RBMS3: variants seen among roughly 807,000 people sequenced by gnomAD.
RBMS3 encodes the protein RNA binding motif single stranded interacting protein 3, also known as RNA-binding motif, single-stranded-interacting protein 3.
RBMS3 carries 27 observed loss-of-function variants against 66.8 expected under a neutral mutation model. The ratio of observed to expected loss-of-function variants is 0.40; its 90% CI spans 0.30 to 0.56. The LOEUF is 0.56. Ranked by LOEUF, RBMS3 falls within the 20% of genes least tolerant of loss-of-function variation. RBMS3 has a pLI of 0.40. For synonymous variants in RBMS3, 188 were observed against 183.0 expected, an observed-to-expected ratio of 1.03 and a Z score of -0.22; for missense variants, 513 against 549.5, an observed-to-expected ratio of 0.93 and a Z score of 0.66.
intron 4 of RBMS3, among the ~76,000 whole-genome samples, chr3:29,701,839 G>A (rs909456042): frequency 4.7e-5 from 7 of 150,026 alleles, no homozygotes; most frequent in Admixed American, 6.7e-5. Context: ...AAGCCTGCGC[G>A]CAGCCGGAGT....
rs147986193 is a variant in RBMS3 at position 29,667,961 on chromosome 3, G to C, written c.400-71759G>C. Among the ~76,000 whole-genome samples, 425 of 152,114 alleles carry C rather than the reference G, an allele frequency of 2.8e-3. 4 individuals carry two copies. Among genetic ancestry groups the C allele is most frequent in the African/African-American group, 9.8e-3 (407 of 41,508 alleles). On this transcript the variant is annotated intron_variant, in intron 4 of 14. Coordinates refer to ENST00000383767, the MANE Select transcript of RBMS3 (RefSeq NM_001003793.3). ...GTAAGAAGTAACCAATCAGAATAAG[G>C]ATAGGAGATGTTCACCAAGACACTT...
intron 6 of RBMS3, among the ~76,000 whole-genome samples, chr3:29,764,911 C>G (rs1325867349): frequency 6.6e-6 from 1 of 151,840 alleles, no homozygotes; most frequent in Admixed American, 6.6e-5. Context: ...CTCCCGGGAA[C>G]AAGAAAGACA....
chr3:29,782,371 TC>T (rs2056666709), intron 6 of RBMS3, among the ~76,000 whole-genome samples: 1 of 152,122 alleles, frequency 6.6e-6, no homozygotes, highest in Non-Finnish European at 1.5e-5. Context: ...TTGCAGACAC[TC>T]CCCAGTACTA....
chr3:30,001,597 A>G (rs1288337433), intron 14 of RBMS3, among the ~76,000 whole-genome samples: 1 of 151,854 alleles, frequency 6.6e-6, no homozygotes, highest in Admixed American at 6.6e-5. Context: ...ATTTCTATAC[A>G]TTGTCAGTAT....
chr3:29,383,624 G>A (rs2038870928), intron 1 of RBMS3, among the ~76,000 whole-genome samples: 1 of 152,196 alleles, frequency 6.6e-6, no homozygotes, highest in Non-Finnish European at 1.5e-5. Flanking sequence ...AAAATATCCA[G>A]TTCCATACTA....
intron 3 of RBMS3, among the ~76,000 whole-genome samples, chr3:29,515,976 T>C (rs935670245): frequency 6.6e-6 from 1 of 152,216 alleles, no homozygotes; most frequent in East Asian, 1.9e-4. Context: ...GGAAGAGAAT[T>C]CCGTCAAAAT....
chr3:29,800,814 AC>A (rs201052476), intron 6 of RBMS3, among the ~76,000 whole-genome samples: 2,348 of 127,678 alleles, frequency 0.018, 61 homozygotes, highest in African/African-American at 0.06. Flanking sequence ...CTGAGAACAC[AC>A]ATTTTTTTTC....
chr3:29,501,600 T>C (rs1328984136), intron 3 of RBMS3, among the ~76,000 whole-genome samples: 2 of 152,152 alleles, frequency 1.3e-5, no homozygotes, highest in Non-Finnish European at 2.9e-5. Context: ...GGGTCAGCCC[T>C]ATCTGCATTA....
intron 6 of RBMS3, among the ~76,000 whole-genome samples, chr3:29,773,541 C>T (rs545320440): frequency 6.6e-6 from 1 of 152,028 alleles, no homozygotes; most frequent in South Asian, 2.1e-4. Flanking sequence ...ACTAGTTGAC[C>T]CGCTGAGATG....
chr3:30,005,295 A>C lies in RBMS3; in HGVS notation c.*1433A>C, dbSNP rs1699777850. 1 of 151,766 alleles carries C rather than the reference A, an allele frequency of 6.6e-6. No homozygotes were observed. Among genetic ancestry groups the C allele is most frequent in the South Asian group, 2.1e-4 (1 of 4,834 alleles). The allele number at this position is 151,766 out of a possible 1,614,324, so 9.4% of individuals were successfully genotyped here. The stretch of plus-strand genomic sequence containing the variant: ...ACCTGCTGTGTTTAGCAGTTTCAGC[A>C]TGAAGAGTTCTGGATATGAACTGAT... On this transcript the variant is annotated 3_prime_UTR_variant, in exon 15 of 15. Coordinates refer to ENST00000383767, the MANE Select transcript of RBMS3 (RefSeq NM_001003793.3).
intron 11 of RBMS3, among the ~76,000 whole-genome samples, chr3:29,940,274 A>G (rs1344937274): frequency 6.6e-6 from 1 of 151,914 alleles, no homozygotes; most frequent in Non-Finnish European, 1.5e-5. Context: ...TAGTCAATCT[A>G]AAACTATCTG....
chr3:29,574,828 A>AACACACACAC (rs201818764), intron 3 of RBMS3, among the ~76,000 whole-genome samples: 82 of 146,950 alleles, frequency 5.6e-4, no homozygotes, highest in East Asian at 2.4e-3. Context: ...TGCATAAGAA[A>AACACACACAC]ACACACACAC....
At chr3:29,598,214 C>A (rs1039328767) in intron 4 of RBMS3, among the ~76,000 whole-genome samples, 1 of 152,006 alleles carries the variant, frequency 6.6e-6, no homozygotes, top group African/African-American at 2.4e-5. Context: ...TTATTGGATA[C>A]CAGAATGCAG....
intron 3 of RBMS3, among the ~76,000 whole-genome samples, chr3:29,548,384 C>T (rs927473562): frequency 2.0e-5 from 3 of 150,388 alleles, no homozygotes; most frequent in Non-Finnish European, 4.4e-5. Context: ...GATCTATGAT[C>T]GTGCCGTTGT....
chr3:29,747,386 GTAGGTAGATAGATAGATAGA>G (rs1277831815), intron 5 of RBMS3, among the ~76,000 whole-genome samples: 506 of 140,566 alleles, frequency 3.6e-3, no homozygotes, highest in African/African-American at 0.011. Flanking sequence ...AGGTAGGTAG[GTAGGTAGATAGATAGATAGA>G]TAGATAGATA....
intron 3 of RBMS3, among the ~76,000 whole-genome samples, chr3:29,559,605 A>G (rs1160528872): frequency 6.7e-6 from 1 of 148,798 alleles, no homozygotes; most frequent in African/African-American, 2.5e-5. Context: ...TCAGTTTTTA[A>G]AAAGGCTTGT....
intron 1 of RBMS3, among the ~76,000 whole-genome samples, chr3:29,316,179 A>C (rs1338857704): frequency 6.6e-6 from 1 of 151,740 alleles, no homozygotes; most frequent in Non-Finnish European, 1.5e-5. Context: ...TGTGCCAGAT[A>C]TCAGACATGT....
At chr3:29,540,822 A>G (rs114377331) in intron 3 of RBMS3, among the ~76,000 whole-genome samples, 2,079 of 152,288 alleles carry the variant, frequency 0.014, 45 homozygotes, top group African/African-American at 0.047. Flanking sequence ...ACTGCTAGCT[A>G]TACCCATAAT....
At chr3:29,376,165 G>A (rs1251977875) in intron 1 of RBMS3, among the ~76,000 whole-genome samples, 2 of 132,698 alleles carry the variant, frequency 1.5e-5, no homozygotes. Flanking sequence ...ACATGATGGG[G>A]GAACAACACA....
Sources: gnomAD v4.1 joint callset for allele counts (sites outside exome capture counted in the v4.1 genomes callset) on GRCh38, gnomAD v4.1.1 for gene constraint, MANE v1.5 for transcripts, NCBI Gene and HGNC (gene_info 2026-07-23, HGNC 2026-07-21) for gene names.